Variants in ESRRG observed in about 807,000 individuals in gnomAD.
ESRRG encodes the protein estrogen-related receptor gamma.
In ESRRG, 13 loss-of-function variants were observed where a neutral mutation model predicts 44.0. That is an observed-to-expected ratio of 0.30 (90% CI 0.19 to 0.47). ESRRG has a LOEUF of 0.47. Among genes scored for constraint, ESRRG ranks in the 20% least tolerant of loss-of-function variants. The pLI, the probability that ESRRG is intolerant of heterozygous loss-of-function variation, is 1.00. For missense variants in ESRRG, 395 were observed against 580.6 expected, an observed-to-expected ratio of 0.68 and a Z score of 3.29; for synonymous variants, 215 against 214.6, an observed-to-expected ratio of 1.00 and a Z score of -0.02.
intron 3 of ESRRG, among the ~76,000 whole-genome samples, chr1:216,618,955 A>T (rs1239314686): frequency 2.0e-5 from 3 of 152,254 alleles, no homozygotes; most frequent in Non-Finnish European, 2.9e-5. Flanking sequence ...ATTTACTGGC[A>T]AATACATCCA....
chr1:217,123,218 AGAT>A (rs2092844896), intron 1 of ESRRG, among the ~76,000 whole-genome samples: 1 of 152,168 alleles, frequency 6.6e-6, no homozygotes, highest in African/African-American at 2.4e-5. Flanking sequence ...GAAAAGGAAT[AGAT>A]GATATACCTA....
intron 2 of ESRRG, among the ~76,000 whole-genome samples, chr1:216,883,033 C>A (rs1256621044): frequency 6.6e-6 from 1 of 151,974 alleles, no homozygotes; most frequent in Non-Finnish European, 1.5e-5. Flanking sequence ...TGTGCTAAGA[C>A]AATGGCAGAC....
chr1:216,621,449 A>C (rs2062221548), intron 3 of ESRRG, among the ~76,000 whole-genome samples: 1 of 152,180 alleles, frequency 6.6e-6, no homozygotes, highest in Non-Finnish European at 1.5e-5. Context: ...GGTAAGGAAA[A>C]AGGAGATGGA....
chr1:216,840,762 G>C (rs760499893), intron 2 of ESRRG, among the ~76,000 whole-genome samples: 1 of 152,120 alleles, frequency 6.6e-6, no homozygotes, highest in Non-Finnish European at 1.5e-5. Flanking sequence ...GAAGAGAGAC[G>C]TGGAAACAGT....
At chr1:216,537,456 A>C (rs2101981) in intron 5 of ESRRG, among the ~76,000 whole-genome samples, 51,345 of 151,892 alleles carry the variant, frequency 0.34, 8,943 homozygotes, top group African/African-American at 0.39. Flanking sequence ...GAGGGAATGG[A>C]AAAGACACAT....
Position 217,021,796 on chromosome 1 carries a change from C to A in ESRRG, c.-106+67711G>T, listed in dbSNP as rs571557957. On this transcript the variant is annotated intron_variant, in intron 1 of 7. Transcript: ENST00000359162. Reference sequence around the variant, plus strand: ...CTTGCTGATATTACACTACACTTAGCATCCTTTGTGCAATATTGTTCCTTC... The same window carrying A: ...CTTGCTGATATTACACTACACTTAGAATCCTTTGTGCAATATTGTTCCTTC... Among the ~76,000 whole-genome samples the A allele has an allele frequency of 9.2e-5, 14 of 152,324 alleles. No individual in the cohort carries two copies. In the East Asian group the frequency reaches 2.7e-3, roughly 29 times the overall value.
intron 2 of ESRRG, among the ~76,000 whole-genome samples, chr1:216,876,592 T>G (rs1559953000): frequency 6.6e-6 from 1 of 152,118 alleles, no homozygotes; most frequent in East Asian, 1.9e-4. Context: ...ATATCATTTT[T>G]GTCATACCTT....
intron 2 of ESRRG, among the ~76,000 whole-genome samples, chr1:216,755,796 C>T (rs2092403614): frequency 1.3e-5 from 2 of 152,050 alleles, no homozygotes; most frequent in South Asian, 4.1e-4. Flanking sequence ...TAAGGATTTA[C>T]TTTGCAATAT....
intron 3 of ESRRG, among the ~76,000 whole-genome samples, chr1:216,650,729 G>A (rs11572710): frequency 7.3e-5 from 11 of 151,614 alleles, no homozygotes; most frequent in African/African-American, 2.2e-4. Context: ...AAAGCACTAC[G>A]GTCAAGCATA....
intron 1 of ESRRG, among the ~76,000 whole-genome samples, chr1:216,959,223 A>G (rs1411266576): frequency 6.6e-6 from 1 of 152,090 alleles, no homozygotes; most frequent in Non-Finnish European, 1.5e-5. Flanking sequence ...ATCCTAGAAC[A>G]AGTTTTTAAT....
intron 1 of ESRRG, among the ~76,000 whole-genome samples, chr1:216,698,450 C>T (rs2080691187): frequency 1.4e-5 from 2 of 139,248 alleles, no homozygotes; most frequent in South Asian, 2.4e-4. Flanking sequence ...ACCCGGGAGG[C>T]GGAGCTTGCA....
intron 3 of ESRRG, among the ~76,000 whole-genome samples, chr1:216,586,001 C>T (rs1349783199): frequency 6.8e-6 from 1 of 148,086 alleles, no homozygotes; most frequent in Non-Finnish European, 1.5e-5. Context: ...GACTGTGCCA[C>T]TGCACTCCAG....
intron 1 of ESRRG, among the ~76,000 whole-genome samples, chr1:217,026,836 C>T (rs1342804939): frequency 6.6e-6 from 1 of 150,784 alleles, no homozygotes; most frequent in Non-Finnish European, 1.5e-5. Flanking sequence ...GACCACCCTG[C>T]CAATCCTGGC....
chr1:216,930,799 T>C (rs1158312964), intron 2 of ESRRG, among the ~76,000 whole-genome samples: 2 of 152,262 alleles, frequency 1.3e-5, no homozygotes, highest in East Asian at 1.9e-4. Context: ...GAAAGATAAA[T>C]GGGACTCCAG....
chr1:216,793,959 A>AT (rs34752392), intron 2 of ESRRG, among the ~76,000 whole-genome samples: 19,266 of 143,870 alleles, frequency 0.13, 1,404 homozygotes, highest in Non-Finnish European at 0.17. Flanking sequence ...TTAACTAAGG[A>AT]TTTTTTTTTT....
intron 1 of ESRRG, among the ~76,000 whole-genome samples, chr1:216,700,496 A>G (rs1022228893): frequency 2.0e-5 from 3 of 152,182 alleles, no homozygotes; most frequent in Non-Finnish European, 2.9e-5. Context: ...ACACATACAC[A>G]AACACACACA....
At chr1:216,551,648 T>C (rs2056371262) in intron 5 of ESRRG, among the ~76,000 whole-genome samples, 1 of 152,154 alleles carries the variant, frequency 6.6e-6, no homozygotes, top group Non-Finnish European at 1.5e-5. Context: ...CCGTGGATTA[T>C]TCACAAGCTA....
intron 2 of ESRRG, among the ~76,000 whole-genome samples, chr1:216,873,331 C>A (rs548874308): frequency 1.9e-4 from 29 of 150,574 alleles, no homozygotes; most frequent in African/African-American, 6.8e-4. Flanking sequence ...CCTGCCTCAG[C>A]CTCCTGAGTA....
intron 3 of ESRRG, among the ~76,000 whole-genome samples, chr1:216,614,042 A>T (rs2061046334): frequency 6.6e-6 from 1 of 152,200 alleles, no homozygotes; most frequent in African/African-American, 2.4e-5. Flanking sequence ...CCTGACTTCC[A>T]CACCCTGCTT....
Sources: gnomAD v4.1 joint callset for allele counts (sites outside exome capture counted in the v4.1 genomes callset) on GRCh38, gnomAD v4.1.1 for gene constraint, MANE v1.5 for transcripts, NCBI Gene and HGNC (gene_info 2026-07-23, HGNC 2026-07-21) for gene names.